The following TNIK variants were observed in gnomAD, a reference collection of about 807,000 sequenced individuals.
TNIK encodes TRAF2 and NCK-interacting protein kinase.
In TNIK, 49 loss-of-function variants were observed where a neutral mutation model predicts 191.3. The observed-to-expected ratio is 0.26, with a 90% CI of 0.20 to 0.32. TNIK has a LOEUF of 0.32. TNIK is among the 10% of genes least tolerant of loss of function. The pLI is 1.00. For synonymous variants in TNIK, 594 were observed against 600.9 expected (o/e 0.99, Z 0.17); for missense variants, 1,155 against 1,702.3 (o/e 0.68, Z 5.66).
At chr3:171,087,782 G>A (rs1435930291) in intron 23 of TNIK, among the ~76,000 whole-genome samples, 4 of 152,216 alleles carry the variant, frequency 2.6e-5, no homozygotes, top group East Asian at 3.8e-4. Context: ...AGAGGGAGAC[G>A]CTACAAAAAG....
intron 3 of TNIK, among the ~76,000 whole-genome samples, chr3:171,225,263 A>T (rs761118594): frequency 3.9e-5 from 6 of 152,204 alleles, no homozygotes; most frequent in Non-Finnish European, 8.8e-5. Flanking sequence ...AGGAAATCTT[A>T]TGTTGACTGT....
At chr3:171,390,240 G>A (rs2108544254) in intron 1 of TNIK, among the ~76,000 whole-genome samples, 1 of 152,316 alleles carries the variant, frequency 6.6e-6, no homozygotes, top group South Asian at 2.1e-4. Context: ...ATATGGAAGA[G>A]ATCCCGGGTA....
At chr3:171,421,554 C>A (rs1431479307) in intron 1 of TNIK, among the ~76,000 whole-genome samples, 36 of 152,028 alleles carry the variant, frequency 2.4e-4, no homozygotes, top group Admixed American at 2.4e-3. Flanking sequence ...CTGTAGTTCT[C>A]AGCTATTTAA....
chr3:171,434,450 T>C (rs1474029124), intron 1 of TNIK, among the ~76,000 whole-genome samples: 1 of 151,438 alleles, frequency 6.6e-6, no homozygotes, highest in Non-Finnish European at 1.5e-5. Flanking sequence ...TTTACTTATT[T>C]ATTTATTTAT....
intron 30 of TNIK, among the ~76,000 whole-genome samples, chr3:171,068,538 C>A (rs1438212461): frequency 6.6e-6 from 1 of 152,200 alleles, no homozygotes; most frequent in Non-Finnish European, 1.5e-5. Flanking sequence ...AATGTGGAAA[C>A]TTGTCTACCG....
chr3:171,075,485 T>C (rs1719776193), intron 28 of TNIK, among the ~76,000 whole-genome samples: 1 of 152,224 alleles, frequency 6.6e-6, no homozygotes, highest in African/African-American at 2.4e-5. Flanking sequence ...TTCTGATTCC[T>C]GAACAAAAAT....
intron 2 of TNIK, 71 bp from the exon 3 acceptor site, chr3:171,228,292 A>G: frequency 6.3e-7 from 1 of 1,580,798 alleles, no homozygotes; most frequent in Non-Finnish European, 8.7e-7. Flanking sequence ...CCAACAATAA[A>G]GAAAAATTGC....
At chr3:171,138,493 T>C in intron 14 of TNIK, 114 bp from the exon 15 acceptor site, 3 of 962,408 alleles carry the variant, frequency 3.1e-6, no homozygotes, top group Non-Finnish European at 4.3e-6. Flanking sequence ...TAACAAAGGA[T>C]CTTAATACCA....
At chr3:171,417,538 T>TA (rs576279283) in intron 1 of TNIK, among the ~76,000 whole-genome samples, 4 of 152,072 alleles carry the variant, frequency 2.6e-5, no homozygotes, top group South Asian at 2.1e-4. Flanking sequence ...CTTATAGTTA[T>TA]AAAAAAAAGT....
chr3:171,263,954 A>G (rs1328288215), intron 2 of TNIK, among the ~76,000 whole-genome samples: 6 of 151,804 alleles, frequency 4.0e-5, no homozygotes, highest in African/African-American at 1.5e-4. Flanking sequence ...AAAGCTAGAG[A>G]GGTAAAAGCT....
In TNIK at chr3:171,081,638, T is replaced by C. The variant is rs1003699526; in HGVS notation, c.3313+613A>G. On this transcript the variant is annotated intron_variant, in intron 27 of 32. Coordinates refer to ENST00000436636, the MANE Select transcript of TNIK (RefSeq NM_015028.4). The stretch of plus-strand genomic sequence containing the variant: ...AAAGAAAAAAAACTTTCAACAAAAC[T>C]ACCCTCTTTTAGGTTGCATTTTTAA... 5.3e-5 allele frequency among the ~76,000 whole-genome samples: 8 copies of C among 150,910 alleles called. 1 individual carries two copies. The highest frequency in any genetic ancestry group is 1.7e-4 in the African/African-American group (7 of 40,940).
intron 12 of TNIK, among the ~76,000 whole-genome samples, chr3:171,154,314 G>T (rs139612364): frequency 1.3e-3 from 192 of 151,730 alleles, no homozygotes; most frequent in African/African-American, 4.5e-3. Flanking sequence ...TTTTTGGCCA[G>T]ATAGAACTGG....
At chr3:171,108,014 G>T in intron 20 of TNIK, 51 bp downstream of exon 20, 1 of 1,533,820 alleles carries the variant, frequency 6.5e-7, no homozygotes, top group Non-Finnish European at 8.8e-7. Context: ...TAATCCTGTG[G>T]GTTCTCTGGT....
In TNIK at chr3:171,159,016, G is replaced by C. The variant is rs979873116; in HGVS notation, c.1017-1352C>G. Reference sequence around the variant, plus strand: ...GAAGGGTATGAGAGGAGGTCAGAGAGATAGGTGCGGGGCCGCGACAGCCAT... The same window carrying C: ...GAAGGGTATGAGAGGAGGTCAGAGACATAGGTGCGGGGCCGCGACAGCCAT... On this transcript the variant is annotated intron_variant, in intron 11 of 32. Coordinates refer to ENST00000436636, the MANE Select transcript of TNIK (RefSeq NM_015028.4). The surrounding 1 kb of genome is among the most constrained non-coding windows in gnomAD (Gnocchi z 4.1). Among the ~76,000 whole-genome samples the C allele has an allele frequency of 6.6e-6, 1 of 152,192 alleles. No individual in the cohort carries two copies. Among genetic ancestry groups the C allele is most frequent in the Admixed American group, 6.5e-5 (1 of 15,284 alleles).
Position 171,211,239 on chromosome 3 carries a change from A to G in TNIK, c.183T>C (p.Asp61=). ...TTTCTTGTTTGATTTCTTCCTCTTC[A>G]TCCTGTATGAGAACAATATAAAAAT... ...AAIKVMDVTG[D]EEEEIKQEIN... Residue 61 remains aspartate, a splice_region_variant and synonymous_variant, in exon 4 of 33, where the codon GAT becomes GAC. Transcript: ENST00000436636. The G allele has an allele frequency of 6.2e-7, 1 of 1,608,336 alleles. No homozygotes were observed. The highest frequency in any genetic ancestry group is 8.5e-7 in the Non-Finnish European group (1 of 1,177,330).
At chr3:171,194,383 C>T (rs1738409717) in intron 5 of TNIK, 142 bp downstream of exon 5, 5 of 716,690 alleles carry the variant, frequency 7.0e-6, no homozygotes, top group Non-Finnish European at 9.4e-6. Context: ...CCACCACCAC[C>T]ACTGATAGGA....
chr3:171,077,607 T>A (rs1002302402), intron 28 of TNIK, among the ~76,000 whole-genome samples: 6 of 152,144 alleles, frequency 3.9e-5, no homozygotes, highest in Non-Finnish European at 8.8e-5. Flanking sequence ...AGCCTACCAG[T>A]GCTCATAGTG....
At chr3:171,438,592 C>T (rs74528880) in intron 1 of TNIK, among the ~76,000 whole-genome samples, 55 of 152,340 alleles carry the variant, frequency 3.6e-4, no homozygotes, top group African/African-American at 1.3e-3. Flanking sequence ...ACACCAATGG[C>T]TTGTGGACAA....
intron 12 of TNIK, among the ~76,000 whole-genome samples, chr3:171,143,167 G>T (rs1436678525): frequency 2.6e-5 from 4 of 152,178 alleles, no homozygotes; most frequent in Non-Finnish European, 5.9e-5. Flanking sequence ...CCAGGGCTTT[G>T]GTTCCTGTGG....
Sources: allele counts gnomAD v4.1 joint callset (sites outside exome capture counted in the v4.1 genomes callset), GRCh38; gene constraint gnomAD v4.1.1; non-coding constraint Gnocchi (gnomAD v3.1); transcripts MANE v1.5; gene names NCBI Gene and HGNC (gene_info 2026-07-23, HGNC 2026-07-21).